The following NPAS3 variants were observed in gnomAD, a reference collection of about 807,000 sequenced individuals.
The protein encoded by NPAS3 is neuronal PAS domain protein 3, also known as neuronal PAS domain-containing protein 3.
Under a neutral mutation model 73.1 loss-of-function variants are expected in NPAS3, and 14 were observed. The observed-to-expected ratio is 0.19, with a 90% CI of 0.13 to 0.30. NPAS3 has a LOEUF of 0.30. Ranked by LOEUF, NPAS3 falls within the 10% of genes least tolerant of loss-of-function variation. The pLI, the probability that NPAS3 is intolerant of heterozygous loss-of-function variation, is 1.00. For missense variants in NPAS3, 1,096 were observed against 1,250.0 expected, an observed-to-expected ratio of 0.88 and a Z score of 1.86; for synonymous variants, 620 against 541.5, an observed-to-expected ratio of 1.14 and a Z score of -2.01.
At chr14:33,212,984 A>G (rs2047092944) in intron 2 of NPAS3, among the ~76,000 whole-genome samples, 1 of 152,162 alleles carries the variant, frequency 6.6e-6, no homozygotes, top group African/African-American at 2.4e-5. Context: ...TAAAGCTTTA[A>G]TTTGTTAAAA....
At chr14:33,622,048 A>G (rs1049376294) in intron 5 of NPAS3, among the ~76,000 whole-genome samples, 5 of 152,246 alleles carry the variant, frequency 3.3e-5, no homozygotes, top group Admixed American at 1.3e-4. Context: ...ACCAGTATCC[A>G]GCAGCCTGAG....
At chr14:33,039,293 T>A (rs1448520970) in intron 1 of NPAS3, among the ~76,000 whole-genome samples, 1 of 152,210 alleles carries the variant, frequency 6.6e-6, no homozygotes. Context: ...TACATTTTTT[T>A]AAAGATACAT....
At chr14:33,778,220 G>A (rs902793827) in intron 8 of NPAS3, among the ~76,000 whole-genome samples, 1 of 152,110 alleles carries the variant, frequency 6.6e-6, no homozygotes, top group South Asian at 2.1e-4. Context: ...TAATGCCAAA[G>A]AAAGAGAAAA....
At chr14:32,949,036 T>A (rs906035382) in intron 1 of NPAS3, among the ~76,000 whole-genome samples, 2 of 152,126 alleles carry the variant, frequency 1.3e-5, no homozygotes, top group African/African-American at 4.8e-5. Context: ...AAAAATTTTA[T>A]ACAGGGTAAG....
rs529262642 is a variant in NPAS3 at position 33,657,046 on chromosome 14, A to G, written c.559-19165A>G. 2.6e-5 allele frequency among the ~76,000 whole-genome samples: 4 copies of G among 152,348 alleles called. No individual in the cohort carries two copies. In the South Asian group the frequency reaches 8.3e-4, roughly 32 times the overall value. On this transcript the variant is annotated intron_variant, in intron 5 of 11. Coordinates refer to ENST00000356141, the Ensembl canonical transcript of NPAS3. ...GAATATTATTTGCCCTTAAAAAGGT[A>G]GATCCTGCCATTTGTAATGCCAATG...
chr14:33,355,463 G>A (rs1196348828), intron 3 of NPAS3, among the ~76,000 whole-genome samples: 2 of 152,046 alleles, frequency 1.3e-5, no homozygotes, highest in South Asian at 2.1e-4. Flanking sequence ...ATCATGCCCG[G>A]CTAATTTTTG....
intron 6 of NPAS3, among the ~76,000 whole-genome samples, chr14:33,689,859 C>A (rs1192436783): frequency 6.6e-6 from 1 of 152,106 alleles, no homozygotes; most frequent in East Asian, 1.9e-4. Flanking sequence ...CACCTGCTGA[C>A]TTCCCTTTTT....
At chr14:33,395,739 A>G (rs2047195611) in intron 4 of NPAS3, among the ~76,000 whole-genome samples, 1 of 152,152 alleles carries the variant, frequency 6.6e-6, no homozygotes, top group Non-Finnish European at 1.5e-5. Flanking sequence ...TAAACCTCAG[A>G]CATTTTGGCA....
At chr14:32,934,881 G>A, upstream of NPAS3, 1 of 780,964 alleles carries the variant, frequency 1.3e-6, no homozygotes, top group Non-Finnish European at 1.6e-6. This position sits in a 1 kb window ranked among gnomAD's most constrained non-coding sequence, Gnocchi z 4.1. Flanking sequence ...GCGTGCAGGT[G>A]ACGGCCGCGG....
chr14:33,413,125 A>G (rs1026356839), intron 4 of NPAS3, among the ~76,000 whole-genome samples: 1 of 152,198 alleles, frequency 6.6e-6, no homozygotes, highest in African/African-American at 2.4e-5. Context: ...TGGTCAATTT[A>G]TCTCTAGCCT....
intron 3 of NPAS3, among the ~76,000 whole-genome samples, chr14:33,253,282 A>T (rs997397662): frequency 2.0e-5 from 3 of 151,914 alleles, no homozygotes; most frequent in Non-Finnish European, 2.9e-5. Flanking sequence ...TGATGTGGTT[A>T]TTGTTTTCTT....
At chr14:33,203,949 T>C (rs566698765) in intron 2 of NPAS3, among the ~76,000 whole-genome samples, 1 of 152,258 alleles carries the variant, frequency 6.6e-6, no homozygotes, top group South Asian at 2.1e-4. Flanking sequence ...ACAGTGTAAG[T>C]GTTCCAATTT....
intron 4 of NPAS3, among the ~76,000 whole-genome samples, chr14:33,546,042 G>A (rs1193361649): frequency 6.6e-6 from 1 of 152,136 alleles, no homozygotes; most frequent in Non-Finnish European, 1.5e-5. Context: ...GGGGGCTCCT[G>A]TTAAGGCCTT....
At position 33,723,300 on chromosome 14, in the gene NPAS3, T is replaced by A. The variant is rs528869281; in HGVS notation, c.734-11914T>A. The stretch of plus-strand genomic sequence containing the variant: ...ACTCATGCAAAACCCTTCCTCTGTG[T>A]CACATTAAATCTTTATTCTTCTAGG... On this transcript the variant is annotated intron_variant, in intron 6 of 11. Coordinates refer to ENST00000356141, the Ensembl canonical transcript of NPAS3. Among the ~76,000 whole-genome samples the A allele has an allele frequency of 6.2e-4, 94 of 152,256 alleles. 1 individual carries two copies. Among genetic ancestry groups the A allele is most frequent in the Middle Eastern group, 3.4e-3 (1 of 294 alleles).
At chr14:33,635,731 C>T (rs548058238) in intron 5 of NPAS3, among the ~76,000 whole-genome samples, 52 of 152,364 alleles carry the variant, frequency 3.4e-4, no homozygotes, top group Middle Eastern at 3.4e-3. Context: ...AGCCCACCTT[C>T]CCTGGACTTG....
At chr14:33,619,334 T>G (rs2140087514) in intron 5 of NPAS3, among the ~76,000 whole-genome samples, 1 of 152,286 alleles carries the variant, frequency 6.6e-6, no homozygotes, top group Non-Finnish European at 1.5e-5. Context: ...CAAAAACTCA[T>G]TAATAGAAGC....
intron 1 of NPAS3, among the ~76,000 whole-genome samples, chr14:33,034,611 A>C (rs984817183): frequency 1.3e-5 from 2 of 152,090 alleles, no homozygotes; most frequent in Middle Eastern, 3.2e-3. Context: ...TAGAAAATAG[A>C]ATATATTTTA....
chr14:33,144,825 C>T (rs971340748), intron 2 of NPAS3, among the ~76,000 whole-genome samples: 2 of 152,082 alleles, frequency 1.3e-5, no homozygotes, highest in Non-Finnish European at 2.9e-5. Flanking sequence ...AACTCCTGGC[C>T]TCAAATGATC....
intron 6 of NPAS3, among the ~76,000 whole-genome samples, chr14:33,683,864 T>C (rs185579680): frequency 1.4e-3 from 207 of 152,334 alleles, no homozygotes; most frequent in African/African-American, 4.5e-3. Flanking sequence ...ACTGTGATAA[T>C]GGTTGGCATT....
Sources: gnomAD v4.1 joint callset for allele counts (sites outside exome capture counted in the v4.1 genomes callset) on GRCh38, gnomAD v4.1.1 for gene constraint, Gnocchi (gnomAD v3.1) non-coding constraint, MANE v1.5 for transcripts, NCBI Gene and HGNC (gene_info 2026-07-23, HGNC 2026-07-21) for gene names.